The following BTBD9 variants were observed in gnomAD, a reference collection of about 807,000 sequenced individuals.
The protein encoded by BTBD9 is BTB/POZ domain-containing protein 9.
A neutral mutation model predicts 64.3 loss-of-function variants in BTBD9; 49 were observed. The observed-to-expected ratio is 0.76, with a 90% confidence interval of 0.61 to 0.97. The LOEUF (loss-of-function observed/expected upper bound fraction) is 0.97. Among genes scored for constraint, BTBD9 ranks in the 50% least tolerant of loss-of-function variants. The probability of loss-of-function intolerance (pLI) is 0.00; values close to 1 mark genes in which losing one functional copy is unlikely to be tolerated. For missense variants in BTBD9, 598 were observed against 762.1 expected, an observed-to-expected ratio of 0.78 and a Z score of 2.53; for synonymous variants, 260 against 274.7, an observed-to-expected ratio of 0.95 and a Z score of 0.53.
intron 1 of BTBD9, among the ~76,000 whole-genome samples, chr6:38,599,784 C>G (rs1358547543): frequency 6.6e-6 from 1 of 152,238 alleles, no homozygotes; most frequent in Non-Finnish European, 1.5e-5. Context: ...AGTTCCGAAT[C>G]TGCCTGCTTT....
rs1249392071 is a variant in BTBD9 at position 38,413,804 on chromosome 6, T to G, written c.1155-68711A>C. Among the ~76,000 whole-genome samples the G allele has an allele frequency of 3.3e-5, 5 of 152,324 alleles. No individual in the cohort carries two copies. The East Asian group carries it at 9.6e-4, about 29-fold the overall frequency. On this transcript the variant is annotated intron_variant, in intron 6 of 10. Coordinates refer to ENST00000481247, the MANE Select transcript of BTBD9 (RefSeq NM_001099272.2). Reference sequence around the variant, plus strand: ...TCTAATTAGAAACCAATTACTTTGATGCCTGGTTCAGCCCTTCTGTCTCAC... The same window carrying G: ...TCTAATTAGAAACCAATTACTTTGAGGCCTGGTTCAGCCCTTCTGTCTCAC...
chr6:38,278,205 A>G (rs1761357725), intron 8 of BTBD9, among the ~76,000 whole-genome samples: 1 of 152,264 alleles, frequency 6.6e-6, no homozygotes, highest in Non-Finnish European at 1.5e-5. Context: ...CATGGAAAAG[A>G]CCAAGAAAAT....
intron 6 of BTBD9, among the ~76,000 whole-genome samples, chr6:38,528,660 A>G (rs1229141965): frequency 6.6e-6 from 1 of 152,214 alleles, no homozygotes; most frequent in African/African-American, 2.4e-5. Flanking sequence ...TGACACTTCT[A>G]AACACATCTT....
At chr6:38,417,343 G>A (rs963289213) in intron 6 of BTBD9, among the ~76,000 whole-genome samples, 1 of 152,194 alleles carries the variant, frequency 6.6e-6, no homozygotes, top group African/African-American at 2.4e-5. Context: ...CATTGCCTGG[G>A]ACATGCTCTA....
intron 6 of BTBD9, among the ~76,000 whole-genome samples, chr6:38,547,028 G>A (rs532935711): frequency 5.8e-4 from 88 of 152,258 alleles, no homozygotes; most frequent in Non-Finnish European, 1.1e-3. Context: ...GGGGCGTCAC[G>A]AGCCTCATCC....
intron 7 of BTBD9, among the ~76,000 whole-genome samples, chr6:38,313,413 T>C (rs1762914429): frequency 2.0e-5 from 3 of 152,194 alleles, no homozygotes; most frequent in South Asian, 4.1e-4. Context: ...TCCACTACTA[T>C]GTTGAAAGTC....
At chr6:38,421,093 A>C (rs1767884618) in intron 6 of BTBD9, among the ~76,000 whole-genome samples, 1 of 140,950 alleles carries the variant, frequency 7.1e-6, no homozygotes. Flanking sequence ...ACAGTGGCTC[A>C]CGTCTGTAAT....
intron 6 of BTBD9, chr6:38,403,005 A>T: frequency 2.8e-6 from 1 of 362,026 alleles, no homozygotes; most frequent in Non-Finnish European, 5.3e-6. Context: ...CCTGGGACAC[A>T]GAGGCTGCAG....
chr6:38,238,116 A>G (rs899780483), intron 9 of BTBD9, among the ~76,000 whole-genome samples: 1 of 152,230 alleles, frequency 6.6e-6, no homozygotes, highest in African/African-American at 2.4e-5. Context: ...CTCTTAAAAA[A>G]CAAAACAAAA....
intron 6 of BTBD9, among the ~76,000 whole-genome samples, chr6:38,546,542 C>A (rs563056202): frequency 1.4e-4 from 21 of 152,206 alleles, no homozygotes; most frequent in Non-Finnish European, 2.4e-4. Flanking sequence ...CCATTTTGAG[C>A]AAGTATATTA....
At chr6:38,479,926 G>A (rs760372106) in intron 6 of BTBD9, among the ~76,000 whole-genome samples, 1 of 151,918 alleles carries the variant, frequency 6.6e-6, no homozygotes, top group African/African-American at 2.4e-5. Context: ...AAAGGGTTCC[G>A]TCATGTTGCC....
chr6:38,458,812 T>C (rs918664074), intron 6 of BTBD9, among the ~76,000 whole-genome samples: 1 of 152,150 alleles, frequency 6.6e-6, no homozygotes, highest in Non-Finnish European at 1.5e-5. Flanking sequence ...TTGAAGAATA[T>C]ATTGATTCTG....
intron 1 of BTBD9, among the ~76,000 whole-genome samples, chr6:38,628,859 T>C (rs182058122): frequency 6.6e-6 from 1 of 152,250 alleles, no homozygotes; most frequent in African/African-American, 2.4e-5. Flanking sequence ...TTCTACCAAG[T>C]GTTCCTTGGA....
intron 10 of BTBD9, chr6:38,179,380 AGAGC>A: frequency 2.2e-6 from 1 of 454,986 alleles, no homozygotes; most frequent in Non-Finnish European, 4.4e-6. Context: ...CTGATAAAGG[AGAGC>A]GCCCACAATG....
At chr6:38,375,931 G>GAAAGAAAGAAAGAA (rs1226712781) in intron 6 of BTBD9, among the ~76,000 whole-genome samples, 3 of 133,132 alleles carry the variant, frequency 2.3e-5, no homozygotes, top group African/African-American at 9.0e-5. Flanking sequence ...AAGAAAGAAA[G>GAAAGAAAGAAAGAA]AAAGAAAGAA....
intron 2 of BTBD9, among the ~76,000 whole-genome samples, chr6:38,597,143 C>CT (rs1446069160): frequency 2.0e-5 from 3 of 152,200 alleles, no homozygotes; most frequent in Admixed American, 6.5e-5. Flanking sequence ...ATGTCTGACT[C>CT]TAGGTGTTGC....
chr6:38,582,907 C>T (rs1776358959), intron 4 of BTBD9, among the ~76,000 whole-genome samples: 1 of 152,148 alleles, frequency 6.6e-6, no homozygotes, highest in African/African-American at 2.4e-5. Context: ...AGTCAAAAGG[C>T]ATTTTTCTGA....
chr6:38,578,402 AT>A (rs1776147393), intron 5 of BTBD9, among the ~76,000 whole-genome samples: 1 of 152,216 alleles, frequency 6.6e-6, no homozygotes, highest in Non-Finnish European at 1.5e-5. Context: ...GAACCATTAC[AT>A]GCAGGTCCCA....
chr6:38,566,266 T>G (rs1265802263), intron 6 of BTBD9, among the ~76,000 whole-genome samples: 1 of 152,210 alleles, frequency 6.6e-6, no homozygotes, highest in Non-Finnish European at 1.5e-5. Flanking sequence ...TCAAATCATA[T>G]TTTAAATGTA....
Sources: allele counts gnomAD v4.1 joint callset (sites outside exome capture counted in the v4.1 genomes callset), GRCh38; gene constraint gnomAD v4.1.1; transcripts MANE v1.5; gene names NCBI Gene and HGNC (gene_info 2026-07-23, HGNC 2026-07-21).